The following RTKN2 variants were observed in gnomAD, a reference collection of about 807,000 sequenced individuals.
RTKN2 encodes rhotekin-2.
Under a neutral mutation model 71.5 loss-of-function variants are expected in RTKN2, and 69 were observed. The observed-to-expected ratio is 0.96, with a 90% confidence interval of 0.79 to 1.18. The LOEUF is 1.18. RTKN2 is among the 50% of genes most tolerant of loss of function. The probability of loss-of-function intolerance (pLI) is 0.00; values close to 1 mark genes in which losing one functional copy is unlikely to be tolerated. For missense variants in RTKN2, 724 were observed against 719.7 expected, an observed-to-expected ratio of 1.01 and a Z score of -0.07; for synonymous variants, 236 against 236.5, an observed-to-expected ratio of 1.00 and a Z score of 0.02.
At chr10:62,238,152 C>T (rs926677010) in intron 5 of RTKN2, 5 of 151,844 alleles carry the variant, frequency 3.3e-5, no homozygotes, top group Admixed American at 2.6e-4. Flanking sequence ...GGAATAACTT[C>T]CAGCTATTTT....
chr10:62,252,016 T>C (rs915323533), intron 2 of RTKN2, among the ~76,000 whole-genome samples: 1 of 151,966 alleles, frequency 6.6e-6, no homozygotes, highest in Non-Finnish European at 1.5e-5. Flanking sequence ...AGCCAACGTA[T>C]ATGTAATCAG....
At position 62,203,334 on chromosome 10, in the gene RTKN2, TCTG is replaced by T. The variant is rs1162372175; in HGVS notation, c.1186+1520_1186+1522del. On this transcript the variant is annotated intron_variant, in intron 10 of 11. Transcript: ENST00000373789. ...TGTCTTTTAAGTTATACACCTGAGA[TCTG>T]CTGAATTTTTTTTTTTTTTTTTTAA... Among the ~76,000 whole-genome samples, 3 of 134,942 alleles carry T rather than the reference TCTG, an allele frequency of 2.2e-5. No individual in the cohort carries two copies. In the East Asian group the frequency reaches 6.7e-4, roughly 30 times the overall value. The allele number at this position is 134,942 out of a possible 152,430, so 88.5% of individuals were successfully genotyped here. A position where few individuals can be genotyped will look rare whatever the true frequency, so the allele number is the denominator to read the frequency against.
chr10:62,219,703 A>T (rs1386994062), intron 7 of RTKN2, among the ~76,000 whole-genome samples: 1 of 151,832 alleles, frequency 6.6e-6, no homozygotes, highest in Non-Finnish European at 1.5e-5. Context: ...AGTCCCAGCT[A>T]CTCCAGAGGC....
rs56139482 is a variant in RTKN2 at position 62,232,315 on chromosome 10, C to CT, written c.686+3750dup. On this transcript the variant is annotated intron_variant, in intron 6 of 11. Coordinates refer to ENST00000373789, the MANE Select transcript of RTKN2 (RefSeq NM_145307.4). ...TAGATTAAATATAATTTCTTTCTTTCTTTTTTTTTTTTTTTTTGAGACAGG... is the reference window on the plus strand; with the variant it reads ...TAGATTAAATATAATTTCTTTCTTTCTTTTTTTTTTTTTTTTTTGAGACAGG... Among the ~76,000 whole-genome samples the CT allele has an allele frequency of 1.3e-3, 151 of 117,176 alleles. 1 individual carries two copies. Among genetic ancestry groups the CT allele is most frequent in the African/African-American group, 3.3e-3 (111 of 33,158 alleles). 76.9% of individuals were successfully genotyped at this position (117,176 alleles called of 152,430 possible).
At chr10:62,215,129 T>C (rs1242668883) in intron 9 of RTKN2, 14 of 1,183,072 alleles carry the variant, frequency 1.2e-5, no homozygotes, top group Admixed American at 2.3e-5. Flanking sequence ...CATTTTATTT[T>C]ATGACTGAAT....
In RTKN2 at chr10:62,268,588, C is replaced by G. The variant is rs1564536057; in HGVS notation, c.23G>C (p.Gly8Ala). 6.4e-7 allele frequency: 1 copy of G among 1,565,696 alleles called. No homozygotes were observed. Among genetic ancestry groups the G allele is most frequent in the African/African-American group, 1.4e-5 (1 of 74,062 alleles). The change falls in exon 1 of 12, where the codon GGT becomes GCT. Residue 8 changes from glycine to alanine, a missense_variant. By Grantham distance (60) the Gly-to-Ala change is moderately conservative. Coordinates refer to ENST00000373789, the MANE Select transcript of RTKN2 (RefSeq NM_145307.4). MEGPSLRGPALRLAGLPT... is the reference protein window; with the variant it reads MEGPSLRAPALRLAGLPT... ...AAGCCCCGCCAGGCGGAGCGCAGGA[C>G]CCCTCAGGCTCGGCCCCTCCATCTC...
chr10:62,250,010 C>T (rs900104788), intron 2 of RTKN2, among the ~76,000 whole-genome samples: 1 of 152,176 alleles, frequency 6.6e-6, no homozygotes, highest in Admixed American at 6.5e-5. Flanking sequence ...ATAAAATGAC[C>T]TACAGTCCAC....
In RTKN2 at chr10:62,196,608, G is replaced by C. The variant is rs1841336751; in HGVS notation, c.*1300C>G. 2 of 984,476 alleles carry C rather than the reference G, an allele frequency of 2.0e-6. No individual in the cohort carries two copies. The highest frequency in any genetic ancestry group is 3.5e-5 in the African/African-American group (2 of 57,196). 61.0% of individuals were successfully genotyped at this position (984,476 alleles called of 1,614,324 possible). ...TCTGATCCAAATAGAGTTCTTGCTA[G>C]CTTTAAAAAGATCTCAAGAGATTAT... is the stretch of plus-strand genomic sequence containing the variant. On this transcript the variant is annotated 3_prime_UTR_variant, in exon 12 of 12. Coordinates refer to ENST00000373789, the MANE Select transcript of RTKN2 (RefSeq NM_145307.4).
intron 9 of RTKN2, among the ~76,000 whole-genome samples, chr10:62,206,240 C>T (rs543266515): frequency 6.6e-6 from 1 of 152,192 alleles, no homozygotes; most frequent in Non-Finnish European, 1.5e-5. Context: ...GTTAAGCCTA[C>T]TGTAATGTGT....
At position 62,195,478 on chromosome 10, in the gene RTKN2, GA is replaced by G. The variant is rs1231269961; in HGVS notation, c.*2429del. The G allele has an allele frequency of 1.1e-6, 1 of 951,404 alleles. No individual in the cohort carries two copies. The highest frequency in any genetic ancestry group is 1.3e-6 in the Non-Finnish European group (1 of 799,326). The allele number at this position is 951,404 out of a possible 1,614,324, so 58.9% of individuals were successfully genotyped here. A position where few individuals can be genotyped will look rare whatever the true frequency, so the allele number is the denominator to read the frequency against. On this transcript the variant is annotated 3_prime_UTR_variant, in exon 12 of 12. Transcript: ENST00000373789. Reference sequence around the variant, plus strand: ...TTTTTTAAACTGTAAAGGAAGGGAGGAAGGAGAGACAGAAGGAAAGTGGGAA... The same window carrying G: ...TTTTTTAAACTGTAAAGGAAGGGAGGAGGAGAGACAGAAGGAAAGTGGGAA...
At chr10:62,189,651 C>G (rs1841189077), downstream of RTKN2, among the ~76,000 whole-genome samples, 1 of 152,082 alleles carries the variant, frequency 6.6e-6, no homozygotes, top group Non-Finnish European at 1.5e-5. Context: ...CATGGTGAAA[C>G]CCCATCTCTA....
chr10:62,222,027 T>G (rs1280249604), intron 7 of RTKN2, among the ~76,000 whole-genome samples: 2 of 152,142 alleles, frequency 1.3e-5, no homozygotes, highest in Non-Finnish European at 2.9e-5. Context: ...TAAGAATAAT[T>G]AAATCAGTCT....
At chr10:62,254,329 G>A (rs1427698343) in intron 2 of RTKN2, among the ~76,000 whole-genome samples, 1 of 152,024 alleles carries the variant, frequency 6.6e-6, no homozygotes, top group African/African-American at 2.4e-5. Flanking sequence ...TAGTTCGCTC[G>A]CTCTTCCGTC....
At chr10:62,256,490 AC>A (rs1398417303) in intron 2 of RTKN2, among the ~76,000 whole-genome samples, 2 of 152,162 alleles carry the variant, frequency 1.3e-5, no homozygotes, top group African/African-American at 4.8e-5. Context: ...TTGAATATGG[AC>A]GGGATATTAG....
chr10:62,197,744 A>C lies in RTKN2; in HGVS notation c.*164T>G. The C allele has an allele frequency of 7.1e-7, 1 of 1,416,216 alleles. No individual in the cohort carries two copies. The highest frequency in any genetic ancestry group is 9.2e-7 in the Non-Finnish European group (1 of 1,091,602). The allele number at this position is 1,416,216 out of a possible 1,614,324, so 87.7% of individuals were successfully genotyped here. A position where few individuals can be genotyped will look rare whatever the true frequency, so the allele number is the denominator to read the frequency against. On this transcript the variant is annotated 3_prime_UTR_variant, in exon 12 of 12. Transcript: ENST00000373789. ...ATTCTGCAAATCAGGAGTAAAAGAGAAATCCACTTCTTCATTATAAAATGT... is the reference window on the plus strand; with the variant it reads ...ATTCTGCAAATCAGGAGTAAAAGAGCAATCCACTTCTTCATTATAAAATGT...
At chr10:62,236,525 T>C (rs1355180003) in intron 5 of RTKN2, among the ~76,000 whole-genome samples, 4 of 151,980 alleles carry the variant, frequency 2.6e-5, no homozygotes, top group Non-Finnish European at 5.9e-5. Context: ...GTATAGAGGT[T>C]CCTAAAGAAA....
At chr10:62,262,563 A>G (rs1302251851) in intron 2 of RTKN2, 62 bp downstream of exon 2, 2 of 1,136,742 alleles carry the variant, frequency 1.8e-6, no homozygotes, top group East Asian at 2.4e-5. Flanking sequence ...CTTAAATTAT[A>G]CTGTGTTTTA....
downstream of RTKN2, among the ~76,000 whole-genome samples, chr10:62,189,057 AC>A (rs1463028886): frequency 3.8e-5 from 2 of 53,190 alleles, no homozygotes; most frequent in African/African-American, 2.2e-4. Flanking sequence ...CATATTTCCT[AC>A]TTTTTTTTTT....
intron 10 of RTKN2, among the ~76,000 whole-genome samples, chr10:62,201,189 C>T (rs935570209): frequency 6.6e-5 from 10 of 151,904 alleles, no homozygotes; most frequent in Non-Finnish European, 1.2e-4. Flanking sequence ...TATTTCATAC[C>T]CAACTTGATT....
Sources: allele counts gnomAD v4.1 joint callset (sites outside exome capture counted in the v4.1 genomes callset), GRCh38; gene constraint gnomAD v4.1.1; transcripts MANE v1.5; gene names NCBI Gene and HGNC (gene_info 2026-07-23, HGNC 2026-07-21).